The following ADGRG5 variants were observed in gnomAD, a reference collection of about 807,000 sequenced individuals.
The protein encoded by ADGRG5 is G protein-coupled receptor 114.
A neutral mutation model predicts 53.2 loss-of-function variants in ADGRG5; 37 were observed. That is an observed-to-expected ratio of 0.70 (90% CI 0.53 to 0.91). The LOEUF (loss-of-function observed/expected upper bound fraction) is 0.91, where lower values mean the gene tolerates loss of function less well. ADGRG5 is among the 40% of genes least tolerant of loss of function. The pLI is 0.00. For missense variants in ADGRG5, 614 were observed against 675.8 expected (o/e 0.91, Z 1.01); for synonymous variants, 277 against 290.4 (o/e 0.95, Z 0.47).
intron 1 of ADGRG5, among the ~76,000 whole-genome samples, chr16:57,560,058 C>T (rs1450887148): frequency 2.0e-5 from 3 of 152,188 alleles, no homozygotes; most frequent in South Asian, 4.1e-4. Context: ...CAAACCTATT[C>T]GATAGTCTAT....
At chr16:57,549,902 A>C (rs973972996) in intron 1 of ADGRG5, among the ~76,000 whole-genome samples, 3 of 152,150 alleles carry the variant, frequency 2.0e-5, no homozygotes, top group Non-Finnish European at 2.9e-5. Flanking sequence ...GTGTAGTGAT[A>C]TCTGATTGTG....
At chr16:57,534,704 CT>C in the ADGRG5 span, among the ~76,000 whole-genome samples, 6 of 152,154 alleles carry the variant, frequency 3.9e-5, no homozygotes, top group African/African-American at 1.4e-4. Context: ...TAGGGGTACC[CT>C]TGTGACCATG....
chr16:57,575,653 C>A lies in ADGRG5; in HGVS notation c.*115C>A. On this transcript the variant is annotated 3_prime_UTR_variant, in exon 12 of 12. Coordinates refer to ENST00000349457, the MANE Select transcript of ADGRG5 (RefSeq NM_001304376.3). Reference sequence around the variant, plus strand: ...GCTGGACCCCAGAGGCCACTGTGACCGCCAAGGGGCCTTTTCCACTTCCAC... The same window carrying A: ...GCTGGACCCCAGAGGCCACTGTGACAGCCAAGGGGCCTTTTCCACTTCCAC... The A allele has an allele frequency of 2.6e-6, 2 of 759,764 alleles. No homozygotes were observed. Among genetic ancestry groups the A allele is most frequent in the Admixed American group, 2.4e-5 (1 of 41,220 alleles). 47.1% of individuals were successfully genotyped at this position (759,764 alleles called of 1,614,324 possible).
Position 57,570,527 on chromosome 16 carries a change from C to G in ADGRG5, c.1200C>G (p.Asn400Lys). ...GGGAGAATGGCACAGGCTTCCAGAACATGTCCATGTGAGTGCCCTCAGGGC... is the reference window on the plus strand; with the variant it reads ...GGGAGAATGGCACAGGCTTCCAGAAGATGTCCATGTGAGTGCCCTCAGGGC... ...DSWENGTGFQ[N>K]MSICWVRSPV... The change falls in exon 10 of 12, where the codon AAC becomes AAG. Residue 400 changes from asparagine to lysine, a missense_variant. Coordinates refer to ENST00000349457, the MANE Select transcript of ADGRG5 (RefSeq NM_001304376.3). 1 of 1,611,792 alleles carries G rather than the reference C, an allele frequency of 6.2e-7. No homozygotes were observed. Among genetic ancestry groups the G allele is most frequent in the Non-Finnish European group, 8.5e-7 (1 of 1,178,480 alleles).
chr16:57,547,337 A>T (rs2032642635), intron 1 of ADGRG5, among the ~76,000 whole-genome samples: 1 of 152,224 alleles, frequency 6.6e-6, no homozygotes, highest in Non-Finnish European at 1.5e-5. Context: ...CAGCATGCAT[A>T]CAAACATAAT....
intron 1 of ADGRG5, among the ~76,000 whole-genome samples, chr16:57,543,704 T>C (rs1370985214): frequency 6.6e-6 from 1 of 152,092 alleles, no homozygotes. Flanking sequence ...GCTGGCTCAG[T>C]AGGCCTTCGT....
At chr16:57,556,908 C>CTTTTTTTTTTTTTTTT (rs35948606) in intron 1 of ADGRG5, among the ~76,000 whole-genome samples, 25 of 115,748 alleles carry the variant, frequency 2.2e-4, no homozygotes, top group African/African-American at 8.7e-4. Flanking sequence ...TTGCCTTCTT[C>CTTTTTTTTTTTTTTTT]TTTTTTTTTT....
intron 10 of ADGRG5, 119 bp downstream of exon 10, chr16:57,570,654 T>TGTTTAGACAGGGGAGTTTGCA (rs2033328552): frequency 2.7e-6 from 2 of 747,062 alleles, no homozygotes; most frequent in Non-Finnish European, 4.6e-6. Context: ...GAGAGGGAGC[T>TGTTTAGACAGGGGAGTTTGCA]GGGGCTTAGA....
At chr16:57,572,771 T>A (rs2033397828) in intron 10 of ADGRG5, among the ~76,000 whole-genome samples, 1 of 152,204 alleles carries the variant, frequency 6.6e-6, no homozygotes, top group Non-Finnish European at 1.5e-5. Context: ...TGGACTGCAG[T>A]AGAGCTGCCC....
rs780857066 is a variant in ADGRG5 at position 57,575,004 on chromosome 16, G to A, written c.1398G>A (p.Leu466=). The change falls in exon 11 of 12, where the codon CTG becomes CTA. Residue 466 remains leucine, a synonymous_variant. Coordinates refer to ENST00000349457, the MANE Select transcript of ADGRG5 (RefSeq NM_001304376.3). ...TVTVLGLTVL[L]GTTWALAFFS... Reference sequence around the variant, plus strand: ...CTGTGCTGGGCCTCACCGTGCTGCTGGGAACCACCTGGGCCTTGGCCTTCT... The same window carrying A: ...CTGTGCTGGGCCTCACCGTGCTGCTAGGAACCACCTGGGCCTTGGCCTTCT... 11 of 1,613,880 alleles carry A rather than the reference G, an allele frequency of 6.8e-6. No individual in the cohort carries two copies. In the South Asian group the frequency reaches 1.1e-4, roughly 16 times the overall value.
rs767232731 is a variant in ADGRG5, at chr16:57,563,239, G to A, written c.289G>A (p.Val97Met). ...GCTGACCAGTGCCACTCTGAAGCGG[G>A]TGCCCCAGGTCAGAGGCTGCGGGTT... ...LSLTSATLKR[V>M]PQAGGQHARG... Residue 97 changes from valine (V) to methionine (M), a missense_variant, in exon 4 of 12, where the codon GTG (valine) becomes ATG (methionine). Coordinates refer to ENST00000349457, the MANE Select transcript of ADGRG5 (RefSeq NM_001304376.3). The A allele has an allele frequency of 6.2e-7, 1 of 1,613,780 alleles. No homozygotes were observed. The highest frequency in any genetic ancestry group is 1.1e-5 in the South Asian group (1 of 91,080).
At chr16:57,562,030 A>G in intron 1 of ADGRG5, 26 bp from the exon 2 acceptor site, 1 of 1,362,078 alleles carries the variant, frequency 7.3e-7, no homozygotes, top group Non-Finnish European at 1.0e-6. Flanking sequence ...TTTTATCATC[A>G]TGGTGATGGC....
intron 10 of ADGRG5, among the ~76,000 whole-genome samples, chr16:57,573,699 A>G (rs1004847434): frequency 2.6e-5 from 4 of 152,182 alleles, no homozygotes; most frequent in Non-Finnish European, 5.9e-5. Context: ...ATTTTCTGTC[A>G]TAGCTGAAGT....
At chr16:57,549,215 C>T (rs527773984) in intron 1 of ADGRG5, among the ~76,000 whole-genome samples, 20 of 152,118 alleles carry the variant, frequency 1.3e-4, no homozygotes, top group Non-Finnish European at 2.2e-4. Context: ...ATATTCAGAA[C>T]GTAAAGTTCG....
At position 57,562,066 on chromosome 16, in the gene ADGRG5, A is replaced by T; in HGVS notation, c.-28A>T. 6.6e-7 allele frequency: 1 copy of T among 1,517,060 alleles called. No individual in the cohort carries two copies. Among genetic ancestry groups the T allele is most frequent in the Non-Finnish European group, 8.9e-7 (1 of 1,128,508 alleles). 94.0% of individuals were successfully genotyped at this position (1,517,060 alleles called of 1,614,324 possible). A position where few individuals can be genotyped will look rare whatever the true frequency, so the allele number is the denominator to read the frequency against. On this transcript the variant is annotated 5_prime_UTR_variant, in exon 2 of 12. Transcript: ENST00000349457. ...ATGCACCTTTTTCAGGGCCGGAGCC[A>T]GTTCTTGGAGGAGACTCTGCACAGG...
Position 57,570,534 on chromosome 16 carries a change from A to G in ADGRG5, c.1207A>G (p.Ile403Val). The G allele has an allele frequency of 6.2e-7, 1 of 1,609,056 alleles. No homozygotes were observed. Among genetic ancestry groups the G allele is most frequent in the Non-Finnish European group, 8.5e-7 (1 of 1,176,138 alleles). The stretch of plus-strand genomic sequence containing the variant: ...TGGCACAGGCTTCCAGAACATGTCC[A>G]TGTGAGTGCCCTCAGGGCTGCAGTG... Reference protein sequence around the residue: ...ENGTGFQNMSICWVRSPVVHS... With the variant: ...ENGTGFQNMSVCWVRSPVVHS... The change falls in exon 10 of 12, where the codon ATA (isoleucine) becomes GTA (valine). Residue 403 changes from isoleucine to valine, a missense_variant and splice_region_variant. Ile to Val is a conservative substitution (Grantham distance 29). Transcript: ENST00000349457.
the ADGRG5 span, among the ~76,000 whole-genome samples, chr16:57,531,766 C>T: frequency 9.2e-5 from 14 of 152,182 alleles, no homozygotes; most frequent in Non-Finnish European, 1.8e-4. Context: ...CCTAATTTCT[C>T]CCTTGCCAGC....
At chr16:57,565,308 T>C (rs566894714) in intron 6 of ADGRG5, 158 bp downstream of exon 6, 25 of 644,804 alleles carry the variant, frequency 3.9e-5, no homozygotes, top group Non-Finnish European at 6.4e-5. Context: ...GAGAAGTTTT[T>C]ACTCATGCAT....
At position 57,575,012 on chromosome 16, in the gene ADGRG5, C is replaced by T. The variant is rs755744648; in HGVS notation, c.1406C>T (p.Thr469Ile). ...GGCCTCACCGTGCTGCTGGGAACCA[C>T]CTGGGCCTTGGCCTTCTTTTCTTTT... ...VLGLTVLLGTTWALAFFSFGV... is the reference protein window; with the variant it reads ...VLGLTVLLGTIWALAFFSFGV... The change falls in exon 11 of 12, where the codon ACC becomes ATC. Residue 469 changes from threonine to isoleucine, a missense_variant. Thr to Ile is a moderately conservative substitution (Grantham distance 89). Coordinates refer to ENST00000349457, the MANE Select transcript of ADGRG5 (RefSeq NM_001304376.3). 1.2e-6 allele frequency: 2 copies of T among 1,614,054 alleles called. No homozygotes were observed. The highest frequency in any genetic ancestry group is 1.7e-6 in the Non-Finnish European group (2 of 1,180,008).
Sources: gnomAD v4.1 joint callset for allele counts (sites outside exome capture counted in the v4.1 genomes callset) on GRCh38, gnomAD v4.1.1 for gene constraint, MANE v1.5 for transcripts, NCBI Gene and HGNC (gene_info 2026-07-23, HGNC 2026-07-21) for gene names.